Variants in MTSS1 observed in about 807,000 individuals in gnomAD.
MTSS1 encodes the protein protein MTSS 1.
In MTSS1, 18 loss-of-function variants were observed where a neutral mutation model predicts 79.0. The observed-to-expected ratio is 0.23, with a 90% CI of 0.16 to 0.34. The LOEUF (loss-of-function observed/expected upper bound fraction) is 0.34. MTSS1 is among the 10% of genes least tolerant of loss of function. The probability of loss-of-function intolerance (pLI) is 1.00; values close to 1 mark genes in which losing one functional copy is unlikely to be tolerated. For synonymous variants in MTSS1, 341 were observed against 368.6 expected (o/e 0.93, Z 0.86); for missense variants, 815 against 986.2 (o/e 0.83, Z 2.33).
In MTSS1 at chr8:124,553,628, C is replaced by G; in HGVS notation, c.1632G>C (p.Lys544Asn). Residue 544 changes from lysine (K) to asparagine (N), a missense_variant, in exon 14 of 14, where the codon AAG becomes AAC. Lys to Asn is a moderately conservative substitution (Grantham distance 94). Transcript: ENST00000518547. This position sits in a 1 kb window ranked among gnomAD's most constrained non-coding sequence, Gnocchi z 6.0. ...DQEADQQEFDKSSTIPRNSDI... is the reference protein window; with the variant it reads ...DQEADQQEFDNSSTIPRNSDI... Reference sequence around the variant, plus strand: ...CGCTGTTTCTTGGAATGGTGGAGGACTTGTCGAACTCCTGCTGATCTGCCT... The same window carrying G: ...CGCTGTTTCTTGGAATGGTGGAGGAGTTGTCGAACTCCTGCTGATCTGCCT... The G allele has an allele frequency of 6.2e-7, 1 of 1,614,156 alleles. No homozygotes were observed.
chr8:124,728,069 T>A lies in MTSS1; in HGVS notation c.-114A>T. The A allele has an allele frequency of 1.2e-6, 1 of 806,868 alleles. No individual in the cohort carries two copies. Among genetic ancestry groups the A allele is most frequent in the Non-Finnish European group, 2.0e-6 (1 of 505,038 alleles). 50.0% of individuals were successfully genotyped at this position (806,868 alleles called of 1,614,324 possible). On this transcript the variant is annotated 5_prime_UTR_variant, in exon 1 of 14. Transcript: ENST00000518547. This position sits in a 1 kb window ranked among gnomAD's most constrained non-coding sequence, Gnocchi z 6.1. ...ACCTTCCGAGAGACCCACCTCGGAC[T>A]CGCAGCCTCTTCTGCAGCGAGGACG...
rs911863641 is a variant in MTSS1 at position 124,645,072 on chromosome 8, A to C, written c.209-53837T>G. Among the ~76,000 whole-genome samples, 3 of 152,292 alleles carry C rather than the reference A, an allele frequency of 2.0e-5. 1 individual carries two copies. ...GAGACCCTCTCAAAATAGTGCATCA[A>C]AAATGCATTTTTCAGCCAGGTGCAG... is the stretch of plus-strand genomic sequence containing the variant. On this transcript the variant is annotated intron_variant, in intron 3 of 13. Transcript: ENST00000518547.
At position 124,727,828 on chromosome 8, in the gene MTSS1, G is replaced by C. The variant is rs1230992622; in HGVS notation, c.72+56C>G. 4 of 1,446,252 alleles carry C rather than the reference G, an allele frequency of 2.8e-6. No homozygotes were observed. The highest frequency in any genetic ancestry group is 2.8e-5 in the Admixed American group (1 of 36,072). The allele number at this position is 1,446,252 out of a possible 1,614,324, so 89.6% of individuals were successfully genotyped here. A position where few individuals can be genotyped will look rare whatever the true frequency, so the allele number is the denominator to read the frequency against. ...CCGGCCCGGGGTGGAGGCGAAGCGC[G>C]GCGGCGAGGTCAGAGCGCGGCGGCC... On this transcript the variant is annotated intron_variant, in intron 1 of 13. Coordinates refer to ENST00000518547, the MANE Select transcript of MTSS1 (RefSeq NM_014751.6). This position sits in a 1 kb window ranked among gnomAD's most constrained non-coding sequence, Gnocchi z 4.7.
intron 5 of MTSS1, among the ~76,000 whole-genome samples, chr8:124,587,536 T>C (rs1211467031): frequency 3.9e-5 from 6 of 152,228 alleles, no homozygotes; most frequent in Non-Finnish European, 8.8e-5. Flanking sequence ...TCTTGCTGTG[T>C]TGTCCAGGCT....
chr8:124,626,115 T>C (rs1195296411), intron 3 of MTSS1, among the ~76,000 whole-genome samples: 4 of 152,284 alleles, frequency 2.6e-5, no homozygotes, highest in African/African-American at 9.6e-5. Flanking sequence ...AGGATGGTCA[T>C]AATGAGGATA....
intron 3 of MTSS1, among the ~76,000 whole-genome samples, chr8:124,672,792 A>G (rs1824493151): frequency 6.6e-6 from 1 of 152,112 alleles, no homozygotes; most frequent in South Asian, 2.1e-4. Flanking sequence ...CCTGGGAAAC[A>G]CAGCAACACC....
At chr8:124,661,010 A>T (rs1035448804) in intron 3 of MTSS1, among the ~76,000 whole-genome samples, 1 of 152,258 alleles carries the variant, frequency 6.6e-6, no homozygotes, top group Non-Finnish European at 1.5e-5. Context: ...CCCTGAGGCC[A>T]TCGTCAATCA....
chr8:124,647,030 T>C (rs1434457080), intron 3 of MTSS1, among the ~76,000 whole-genome samples: 1 of 152,178 alleles, frequency 6.6e-6, no homozygotes, highest in Non-Finnish European at 1.5e-5. Context: ...ATTTTCCTTT[T>C]GTAGAGATGG....
chr8:124,691,462 G>A (rs953667169), intron 3 of MTSS1, among the ~76,000 whole-genome samples: 150 of 152,214 alleles, frequency 9.9e-4, no homozygotes, highest in African/African-American at 3.3e-3. Context: ...ATACACATAC[G>A]TACATACATG....
chr8:124,556,067 A>C (rs1823670986), intron 12 of MTSS1, 163 bp from the exon 13 acceptor site: 1 of 1,542,536 alleles, frequency 6.5e-7, no homozygotes, highest in Admixed American at 2.0e-5. Context: ...TCATTCCCAC[A>C]CAAGGTTTTT....
intron 3 of MTSS1, among the ~76,000 whole-genome samples, chr8:124,638,436 C>T (rs538186177): frequency 4.3e-4 from 66 of 152,302 alleles, no homozygotes; most frequent in Non-Finnish European, 2.9e-5. Context: ...CCCACATCAT[C>T]CTAAAATAAG....
chr8:124,590,733 G>A (rs1363663191), intron 4 of MTSS1, among the ~76,000 whole-genome samples: 2 of 152,212 alleles, frequency 1.3e-5, no homozygotes, highest in Non-Finnish European at 2.9e-5. Flanking sequence ...TGGCGGTGTG[G>A]AGTGGTCTGT....
intron 3 of MTSS1, among the ~76,000 whole-genome samples, chr8:124,592,717 G>A (rs184866032): frequency 1.4e-4 from 21 of 151,946 alleles, no homozygotes; most frequent in Admixed American, 9.2e-4. Context: ...TGAGGGCAAG[G>A]CCTCTATTCC....
intron 3 of MTSS1, among the ~76,000 whole-genome samples, chr8:124,620,351 T>C (rs1663466804): frequency 6.6e-6 from 1 of 152,188 alleles, no homozygotes; most frequent in Non-Finnish European, 1.5e-5. Flanking sequence ...ACTTGGGCAT[T>C]TTTGTCTGTG....
Position 124,570,216 on chromosome 8 carries a change from A to G in MTSS1, c.461-1680T>C, listed in dbSNP as rs541548230. On this transcript the variant is annotated intron_variant, in intron 6 of 13. Coordinates refer to ENST00000518547, the MANE Select transcript of MTSS1 (RefSeq NM_014751.6). ...AGCACATTATGAGAAAATTATAGTC[A>G]AAGATCACCCTTGAAAATGCCTTAG... 2.6e-5 allele frequency among the ~76,000 whole-genome samples: 4 copies of G among 152,326 alleles called. No individual in the cohort carries two copies. The South Asian group carries it at 6.2e-4, about 24-fold the overall frequency.
rs370560522 is a variant in MTSS1, at chr8:124,717,286, G to A, written c.72+10598C>T. 3.4e-3 allele frequency among the ~76,000 whole-genome samples: 518 copies of A among 151,900 alleles called. 3 individuals are homozygous for A. Among genetic ancestry groups the A allele is most frequent in the African/African-American group, 0.012 (499 of 41,392 alleles). On this transcript the variant is annotated intron_variant, in intron 1 of 13. Transcript: ENST00000518547. ...GCGGGCAGATCACTTGAGATTAGGA[G>A]TTCGAGACCAGCCTGGCCAACATGA...
intron 1 of MTSS1, among the ~76,000 whole-genome samples, chr8:124,705,728 C>T (rs971491764): frequency 1.3e-5 from 2 of 152,306 alleles, no homozygotes; most frequent in African/African-American, 4.8e-5. Context: ...TTTTACCTTC[C>T]TAATGGTATT....
At chr8:124,677,125 C>T (rs1825431057) in intron 3 of MTSS1, among the ~76,000 whole-genome samples, 1 of 152,196 alleles carries the variant, frequency 6.6e-6, no homozygotes, top group African/African-American at 2.4e-5. Context: ...GTTCATTTCT[C>T]TCTTTTGTCT....
intron 1 of MTSS1, among the ~76,000 whole-genome samples, chr8:124,704,499 C>A (rs557138517): frequency 6.6e-6 from 1 of 152,192 alleles, no homozygotes; most frequent in Non-Finnish European, 1.5e-5. Flanking sequence ...ACATTTAAAG[C>A]TCCACCCTGA....
Sources: gnomAD v4.1 joint callset for allele counts (sites outside exome capture counted in the v4.1 genomes callset) on GRCh38, gnomAD v4.1.1 for gene constraint, Gnocchi (gnomAD v3.1) non-coding constraint, MANE v1.5 for transcripts, NCBI Gene and HGNC (gene_info 2026-07-23, HGNC 2026-07-21) for gene names.